The following PLCH1 variants were observed in gnomAD, a reference collection of about 807,000 sequenced individuals.
PLCH1 encodes 1-phosphatidylinositol 4,5-bisphosphate phosphodiesterase eta-1.
Under a neutral mutation model 126.7 loss-of-function variants are expected in PLCH1, and 60 were observed. The observed-to-expected ratio is 0.47, with a 90% CI of 0.38 to 0.59. The LOEUF (loss-of-function observed/expected upper bound fraction) is 0.59, where lower values mean the gene tolerates loss of function less well. PLCH1 is among the 20% of genes least tolerant of loss of function. The pLI is 0.00. For synonymous variants in PLCH1, 719 were observed against 734.9 expected (o/e 0.98, Z 0.35); for missense variants, 1,723 against 2,040.0 (o/e 0.84, Z 2.99).
At chr3:155,589,622 A>G (rs914733130) in intron 4 of PLCH1, among the ~76,000 whole-genome samples, 1 of 152,170 alleles carries the variant, frequency 6.6e-6, no homozygotes, top group South Asian at 2.1e-4. Context: ...TCATGGGGTC[A>G]AGAGATAAGG....
intron 10 of PLCH1, among the ~76,000 whole-genome samples, chr3:155,531,347 G>C (rs1381690158): frequency 6.6e-6 from 1 of 152,214 alleles, no homozygotes; most frequent in Non-Finnish European, 1.5e-5. Context: ...TGTTTAGGCT[G>C]GGCACAGTGG....
chr3:155,635,852 G>A (rs1164044109), intron 2 of PLCH1, among the ~76,000 whole-genome samples: 1 of 152,164 alleles, frequency 6.6e-6, no homozygotes. Flanking sequence ...ACTTTTGGCT[G>A]CAAATAAGAG....
intron 1 of PLCH1, among the ~76,000 whole-genome samples, chr3:155,730,628 A>G (rs1254947328): frequency 6.6e-6 from 1 of 152,262 alleles, no homozygotes; most frequent in Non-Finnish European, 1.5e-5. Context: ...ATATCCATAC[A>G]GTGGGAAATA....
intron 8 of PLCH1, among the ~76,000 whole-genome samples, chr3:155,562,320 A>C (rs1023701548): frequency 1.3e-5 from 2 of 152,110 alleles, no homozygotes; most frequent in African/African-American, 4.8e-5. Context: ...TCATTTTCTT[A>C]AAGTGTGATG....
At chr3:155,473,557 C>G (rs2107985487) in intron 21 of PLCH1, among the ~76,000 whole-genome samples, 1 of 150,552 alleles carries the variant, frequency 6.6e-6, no homozygotes, top group South Asian at 2.1e-4. Context: ...ACTTTCTTCA[C>G]AGAATTGGAA....
At chr3:155,568,658 G>A (rs979795270) in intron 6 of PLCH1, among the ~76,000 whole-genome samples, 14 of 151,984 alleles carry the variant, frequency 9.2e-5, no homozygotes, top group Admixed American at 1.3e-4. Flanking sequence ...AAAAATTAAC[G>A]TTTCCTACAC....
At chr3:155,571,898 T>C (rs2108544705) in intron 6 of PLCH1, among the ~76,000 whole-genome samples, 1 of 152,358 alleles carries the variant, frequency 6.6e-6, no homozygotes, top group African/African-American at 2.4e-5. Context: ...GTTTAAATTA[T>C]TCCAAGTATG....
Position 155,500,813 on chromosome 3 carries a change from C to T in PLCH1, c.1705-19G>A. The T allele has an allele frequency of 7.1e-7, 1 of 1,415,778 alleles. No individual in the cohort carries two copies. Among genetic ancestry groups the T allele is most frequent in the South Asian group, 1.2e-5 (1 of 86,760 alleles). The allele number at this position is 1,415,778 out of a possible 1,614,324, so 87.7% of individuals were successfully genotyped here. A position where few individuals can be genotyped will look rare whatever the true frequency, so the allele number is the denominator to read the frequency against. On this transcript the variant is annotated intron_variant, in intron 13 of 22. Coordinates refer to ENST00000460012, the MANE Select transcript of PLCH1 (RefSeq NM_014996.4). The stretch of plus-strand genomic sequence containing the variant: ...TAGTTTTCTGCCAGAAAAATCAAAA[C>T]AAACTTAACAAACTCATTGTATCAA...
intron 11 of PLCH1, among the ~76,000 whole-genome samples, chr3:155,515,899 A>G (rs1391357874): frequency 3.9e-5 from 6 of 152,222 alleles, no homozygotes; most frequent in Admixed American, 2.0e-4. Context: ...ATCTATTTCT[A>G]AGAGGTCATT....
At chr3:155,453,768 A>C (rs989956382) in intron 21 of PLCH1, among the ~76,000 whole-genome samples, 35 of 150,856 alleles carry the variant, frequency 2.3e-4, no homozygotes, top group Non-Finnish European at 3.5e-4. Flanking sequence ...TTAATAATTT[A>C]TGATTAATTT....
intron 12 of PLCH1, among the ~76,000 whole-genome samples, chr3:155,510,781 C>T (rs1719338550): frequency 9.2e-6 from 1 of 108,130 alleles, no homozygotes. Context: ...CTCTGGCTGC[C>T]CTTAACATTT....
At chr3:155,452,207 G>A (rs1712326910) in intron 21 of PLCH1, among the ~76,000 whole-genome samples, 1 of 152,180 alleles carries the variant, frequency 6.6e-6, no homozygotes, top group Non-Finnish European at 1.5e-5. Context: ...CACGGTGGCA[G>A]CAAGAGAAAA....
At chr3:155,468,656 C>G (rs938483200) in intron 21 of PLCH1, among the ~76,000 whole-genome samples, 7 of 152,026 alleles carry the variant, frequency 4.6e-5, no homozygotes, top group African/African-American at 1.7e-4. Context: ...GAAGGTCATT[C>G]CATAATGACA....
chr3:155,669,046 C>T (rs67059217), intron 2 of PLCH1, among the ~76,000 whole-genome samples: 10,694 of 151,922 alleles, frequency 0.07, 408 homozygotes, highest in Middle Eastern at 0.11. Context: ...GTATGTACTA[C>T]ATGTACTGAC....
At position 155,485,508 on chromosome 3, in the gene PLCH1, G is replaced by A. The variant is rs1179426656; in HGVS notation, c.2822C>T (p.Ala941Val). Residue 941 changes from alanine to valine, a missense_variant, in exon 22 of 23, where the codon GCC becomes GTC. Coordinates refer to ENST00000460012, the MANE Select transcript of PLCH1 (RefSeq NM_014996.4). The part of the protein sequence containing the change: ...MVEIKDSVSE[A>V]TRDQDGVLRR... ...CAGCACGCCATCTTGATCTCTTGTG[G>A]CCTCGGACACAGAATCCTTTATCTC... 10 of 1,614,016 alleles carry A rather than the reference G, an allele frequency of 6.2e-6. No individual in the cohort carries two copies. The Admixed American group carries it at 1.2e-4, about 19-fold the overall frequency.
chr3:155,715,360 G>C (rs1464194849), intron 1 of PLCH1, among the ~76,000 whole-genome samples: 1 of 151,996 alleles, frequency 6.6e-6, no homozygotes, highest in Non-Finnish European at 1.5e-5. Context: ...GGTGGGCAGT[G>C]TCACAATCAC....
At chr3:155,690,754 C>T (rs564675772) in intron 2 of PLCH1, among the ~76,000 whole-genome samples, 1 of 152,180 alleles carries the variant, frequency 6.6e-6, no homozygotes, top group Non-Finnish European at 1.5e-5. Flanking sequence ...TCCATGTGCT[C>T]CTTGGAGAAT....
rs1416221968 is a variant in PLCH1, at chr3:155,596,394, G to T, written c.80-16C>A. 2 of 1,607,700 alleles carry T rather than the reference G, an allele frequency of 1.2e-6. No homozygotes were observed. On this transcript the variant is annotated splice_polypyrimidine_tract_variant and intron_variant, in intron 2 of 22. Transcript: ENST00000460012. ...CATCTTTCAACTGCAAAAGAAATTA[G>T]AGTGTATCCAGCTATCACACAATGC...
rs1345232215 is a variant in PLCH1, at chr3:155,591,371, GT to G, written c.470+2569del. ...TTGATGCAACTGTCCTCAAAGTATA[GT>G]CCTGGAGGTCCCCATAAACATGAGG... On this transcript the variant is annotated intron_variant, in intron 4 of 22. Coordinates refer to ENST00000460012, the MANE Select transcript of PLCH1 (RefSeq NM_014996.4). Among the ~76,000 whole-genome samples the G allele has an allele frequency of 2.6e-5, 4 of 152,302 alleles. No homozygotes were observed. The South Asian group carries it at 6.2e-4, about 24-fold the overall frequency.
Sources: allele counts gnomAD v4.1 joint callset (sites outside exome capture counted in the v4.1 genomes callset), GRCh38; gene constraint gnomAD v4.1.1; transcripts MANE v1.5; gene names NCBI Gene and HGNC (gene_info 2026-07-23, HGNC 2026-07-21).